WDR25: variants seen among roughly 807,000 people sequenced by gnomAD.
The protein encoded by WDR25 is WD repeat-containing protein 25.
In WDR25, 35 loss-of-function variants were observed where a neutral mutation model predicts 47.7. The ratio of observed to expected loss-of-function variants is 0.73; its 90% CI spans 0.56 to 0.97. WDR25 has a LOEUF of 0.97. Among genes scored for constraint, WDR25 ranks in the 50% least tolerant of loss-of-function variants. WDR25 has a pLI of 0.00. For synonymous variants in WDR25, 248 were observed against 278.9 expected, an observed-to-expected ratio of 0.89 and a Z score of 1.10; for missense variants, 634 against 704.7, an observed-to-expected ratio of 0.90 and a Z score of 1.14.
rs1248727119 is a variant in WDR25, at chr14:100,468,791, C to T, written c.970+623C>T. 3.3e-5 allele frequency among the ~76,000 whole-genome samples: 5 copies of T among 151,932 alleles called. No homozygotes were observed. Among genetic ancestry groups the T allele is most frequent in the South Asian group, 2.1e-4 (1 of 4,810 alleles). ...CCACAGCCCCCAGGTGGGCTCTCTC[C>T]GGGGTTTACAGTGAGGACTGCCAGG... On this transcript the variant is annotated intron_variant, in intron 3 of 6. Coordinates refer to ENST00000402312, the MANE Select transcript of WDR25 (RefSeq NM_001161476.3). This position sits in a 1 kb window ranked among gnomAD's most constrained non-coding sequence, Gnocchi z 4.5.
chr14:100,387,459 T>C (rs35131768), intron 2 of WDR25, among the ~76,000 whole-genome samples: 27,815 of 152,164 alleles, frequency 0.18, 2,695 homozygotes, highest in Non-Finnish European at 0.21. Flanking sequence ...TTGGCAGGTC[T>C]GTGTTGGAGA....
intron 2 of WDR25, among the ~76,000 whole-genome samples, chr14:100,429,691 G>A (rs928522351): frequency 3.9e-5 from 6 of 152,146 alleles, no homozygotes; most frequent in Admixed American, 2.6e-4. Flanking sequence ...GAAGTCCAAG[G>A]TCCAGGATCA....
chr14:100,497,432 T>A (rs1900769658), intron 4 of WDR25, among the ~76,000 whole-genome samples: 1 of 151,906 alleles, frequency 6.6e-6, no homozygotes, highest in South Asian at 2.1e-4. Context: ...ACTACAGTCC[T>A]CCTCTCAGGT....
rs1901118017 is a variant in WDR25, at chr14:100,506,542, T to G, written c.1102-19328T>G. On this transcript the variant is annotated intron_variant, in intron 4 of 6. Coordinates refer to ENST00000402312, the MANE Select transcript of WDR25 (RefSeq NM_001161476.3). The surrounding 1 kb of genome is among the most constrained non-coding windows in gnomAD (Gnocchi z 4.8). ...TACATTCCCACCAACAGAGTATAAG[T>G]GTTCTTTTTTCTCTGCAGCCTTGCT... Among the ~76,000 whole-genome samples the G allele has an allele frequency of 6.6e-6, 1 of 152,192 alleles. No homozygotes were observed. Among genetic ancestry groups the G allele is most frequent in the Non-Finnish European group, 1.5e-5 (1 of 68,006 alleles).
Position 100,415,930 on chromosome 14 carries a change from T to C in WDR25, c.822+34184T>C, listed in dbSNP as rs145642712. Among the ~76,000 whole-genome samples the C allele has an allele frequency of 5.3e-3, 807 of 152,278 alleles. 7 individuals carry two copies. The highest frequency in any genetic ancestry group is 0.019 in the African/African-American group (770 of 41,572). On this transcript the variant is annotated intron_variant, in intron 2 of 6. Transcript: ENST00000402312. The stretch of plus-strand genomic sequence containing the variant: ...AGTGCCTCTGGTTGCCAAGCACGAT[T>C]GGCACAGCTGGTGTCCTCCCTGCTC...
chr14:100,415,876 A>G (rs2140201445), intron 2 of WDR25, among the ~76,000 whole-genome samples: 1 of 152,308 alleles, frequency 6.6e-6, no homozygotes. Context: ...CTAGCAGAGT[A>G]CTGTCTCAAA....
Position 100,526,010 on chromosome 14 carries a change from C to T in WDR25, c.1242C>T (p.Thr414=), listed in dbSNP as rs894305420. The T allele has an allele frequency of 5.0e-6, 8 of 1,613,986 alleles. 1 individual carries two copies. The South Asian group carries it at 6.6e-5, about 13-fold the overall frequency. The part of the protein sequence containing the change: ...DRTIIAWDFR[T]SAKISNQIFH... ...CCATTATTGCCTGGGATTTCCGGAC[C>T]TCTGCCAAAATCTCCAACCAGATTT... is the stretch of plus-strand genomic sequence containing the variant. The change falls in exon 5 of 7, where the codon ACC becomes ACT. Residue 414 remains threonine, a synonymous_variant. Transcript: ENST00000402312.
At chr14:100,427,519 A>C (rs2895869) in intron 2 of WDR25, among the ~76,000 whole-genome samples, 1 of 152,012 alleles carries the variant, frequency 6.6e-6, no homozygotes, top group Non-Finnish European at 1.5e-5. Context: ...CTGTGAGGCA[A>C]GAGTCCTGGT....
In WDR25 at chr14:100,504,241, A is replaced by G. The variant is rs1901038661; in HGVS notation, c.1101+20117A>G. 1.3e-5 allele frequency among the ~76,000 whole-genome samples: 2 copies of G among 152,106 alleles called. 1 individual carries two copies. Among genetic ancestry groups the G allele is most frequent in the South Asian group, 4.1e-4 (2 of 4,832 alleles). ...CTTAATATCATCCACTCTCTAATCC[A>G]TGTTCAGATTTCCCTGGTTGTCTCA... On this transcript the variant is annotated intron_variant, in intron 4 of 6. Transcript: ENST00000402312.
chr14:100,439,158 G>A (rs1898590623), intron 2 of WDR25, among the ~76,000 whole-genome samples: 2 of 152,242 alleles, frequency 1.3e-5, no homozygotes, highest in Admixed American at 1.3e-4. Flanking sequence ...CTGGTGACTG[G>A]TGGCAGAATA....
chr14:100,477,600 G>T (rs536988310), intron 3 of WDR25, among the ~76,000 whole-genome samples: 1 of 152,186 alleles, frequency 6.6e-6, no homozygotes, highest in Non-Finnish European at 1.5e-5. Flanking sequence ...TAGAGAGGAA[G>T]AGCCCGTCTG....
At chr14:100,410,345 A>G (rs984905236) in intron 2 of WDR25, among the ~76,000 whole-genome samples, 1 of 152,110 alleles carries the variant, frequency 6.6e-6, no homozygotes, top group African/African-American at 2.4e-5. Context: ...CGGCTCCCCC[A>G]TGCTGCTGGT....
intron 2 of WDR25, among the ~76,000 whole-genome samples, chr14:100,420,529 T>A (rs187224630): frequency 6.6e-6 from 1 of 152,248 alleles, no homozygotes; most frequent in African/African-American, 2.4e-5. Context: ...GTGATCATCT[T>A]TATGTACATA....
intron 4 of WDR25, among the ~76,000 whole-genome samples, chr14:100,486,614 C>T (rs1363257532): frequency 6.6e-6 from 1 of 152,184 alleles, no homozygotes; most frequent in Non-Finnish European, 1.5e-5. Context: ...GGCACAGCCC[C>T]CTGCCCTCCA....
rs114707477 is a variant in WDR25 at position 100,396,723 on chromosome 14, C to T, written c.822+14977C>T. Among the ~76,000 whole-genome samples the T allele has an allele frequency of 6.4e-3, 968 of 152,284 alleles. 11 individuals carry two copies. The highest frequency in any genetic ancestry group is 0.022 in the African/African-American group (912 of 41,560). Reference sequence around the variant, plus strand: ...GGAGAGGCCAGGGGAAATCTCTGTCCGAATCAAGCTAAGGAGAGGTCACAT... The same window carrying T: ...GGAGAGGCCAGGGGAAATCTCTGTCTGAATCAAGCTAAGGAGAGGTCACAT... On this transcript the variant is annotated intron_variant, in intron 2 of 6. Transcript: ENST00000402312.
At chr14:100,456,550 G>T (rs1436789336) in intron 2 of WDR25, among the ~76,000 whole-genome samples, 2 of 152,106 alleles carry the variant, frequency 1.3e-5, no homozygotes, top group Non-Finnish European at 1.5e-5. Context: ...GAAGAGACAT[G>T]GGCGATACAA....
chr14:100,474,141 T>G (rs966810553), intron 3 of WDR25, among the ~76,000 whole-genome samples: 2 of 152,136 alleles, frequency 1.3e-5, no homozygotes, highest in African/African-American at 4.8e-5. Flanking sequence ...CACTTGTGAG[T>G]GGGTCTATTT....
At chr14:100,422,164 G>A (rs568999227) in intron 2 of WDR25, among the ~76,000 whole-genome samples, 2 of 152,308 alleles carry the variant, frequency 1.3e-5, no homozygotes, top group East Asian at 3.9e-4. Flanking sequence ...ATCATGTGGG[G>A]CAGCTCAAAG....
In WDR25 at chr14:100,468,014, C is replaced by T. The variant is rs760824912; in HGVS notation, c.823-7C>T. 11 of 1,612,366 alleles carry T rather than the reference C, an allele frequency of 6.8e-6. No individual in the cohort carries two copies. In the East Asian group the frequency reaches 2.2e-4, roughly 33 times the overall value. On this transcript the variant is annotated splice_region_variant and splice_polypyrimidine_tract_variant and intron_variant, in intron 2 of 6. Coordinates refer to ENST00000402312, the MANE Select transcript of WDR25 (RefSeq NM_001161476.3). The surrounding 1 kb of genome is among the most constrained non-coding windows in gnomAD (Gnocchi z 4.5). ...TGACACCTGGTGCTGTCTGTGTTTG[C>T]CTGCAGGTATGGAACGCCGTGGACT... is the stretch of plus-strand genomic sequence containing the variant.
Sources: gnomAD v4.1 joint callset for allele counts (sites outside exome capture counted in the v4.1 genomes callset) on GRCh38, gnomAD v4.1.1 for gene constraint, Gnocchi (gnomAD v3.1) non-coding constraint, MANE v1.5 for transcripts, NCBI Gene and HGNC (gene_info 2026-07-23, HGNC 2026-07-21) for gene names.